DNAH7: variants seen among roughly 807,000 people sequenced by gnomAD.
DNAH7 encodes axonemal beta dynein heavy chain 7.
In DNAH7, 397 loss-of-function variants were observed where a neutral mutation model predicts 444.6. The observed-to-expected ratio is 0.89, with a 90% CI of 0.82 to 0.97. DNAH7 has a LOEUF of 0.97. Ranked by LOEUF, DNAH7 falls within the 50% of genes least tolerant of loss-of-function variation. DNAH7 has a pLI of 0.00. For synonymous variants in DNAH7, 1,636 were observed against 1,624.4 expected (o/e 1.01, Z -0.17); for missense variants, 4,902 against 4,800.8 (o/e 1.02, Z -0.62).
chr2:195,794,309 C>T (rs1323742019), intron 57 of DNAH7, 29 bp downstream of exon 57: 6 of 1,611,466 alleles, frequency 3.7e-6, no homozygotes, highest in Non-Finnish European at 5.1e-6. Flanking sequence ...TTTACAGGGC[C>T]GAGGTAACAA....
At chr2:195,964,755 A>T (rs1423406057) in intron 17 of DNAH7, among the ~76,000 whole-genome samples, 1 of 151,126 alleles carries the variant, frequency 6.6e-6, no homozygotes, top group Admixed American at 6.6e-5. Context: ...ACGCGCTTGT[A>T]GTCCTAGCTA....
At chr2:195,996,336 G>A (rs1693694206) in intron 12 of DNAH7, among the ~76,000 whole-genome samples, 1 of 152,038 alleles carries the variant, frequency 6.6e-6, no homozygotes, top group Admixed American at 6.5e-5. Context: ...TTTTAAATAA[G>A]CAAACAAATC....
intron 21 of DNAH7, among the ~76,000 whole-genome samples, chr2:195,930,657 C>T (rs1688631176): frequency 6.6e-6 from 1 of 152,108 alleles, no homozygotes; most frequent in African/African-American, 2.4e-5. Context: ...CCGTTCAACC[C>T]AGCAACCCCA....
intron 63 of DNAH7, among the ~76,000 whole-genome samples, chr2:195,741,776 G>C (rs1693048980): frequency 6.6e-6 from 1 of 152,156 alleles, no homozygotes; most frequent in African/African-American, 2.4e-5. Context: ...AAATCTACTT[G>C]AGCAGTGCTG....
intron 10 of DNAH7, among the ~76,000 whole-genome samples, chr2:196,006,932 G>A (rs558177040): frequency 3.4e-4 from 52 of 151,832 alleles, no homozygotes; most frequent in African/African-American, 1.1e-3. Flanking sequence ...AAAACTACAC[G>A]ACATTGTTGA....
intron 19 of DNAH7, among the ~76,000 whole-genome samples, chr2:195,940,445 C>G (rs1689348238): frequency 6.6e-6 from 1 of 152,102 alleles, no homozygotes; most frequent in Non-Finnish European, 1.5e-5. Context: ...CTAGGCAATA[C>G]CATTCAGGAT....
intron 36 of DNAH7, among the ~76,000 whole-genome samples, chr2:195,879,762 G>T (rs1701272996): frequency 6.6e-6 from 1 of 152,056 alleles, no homozygotes; most frequent in Non-Finnish European, 1.5e-5. Context: ...TTATGTGAAA[G>T]GGAAAATACT....
At position 196,026,959 on chromosome 2, in the gene DNAH7, A is replaced by G; in HGVS notation, c.487-19T>C. The stretch of plus-strand genomic sequence containing the variant: ...AATATCTCTACAAAAAGAAGATAGG[A>G]AAAATGTAGATGTTTAACAAAAGAA... On this transcript the variant is annotated intron_variant, in intron 6 of 64. Coordinates refer to ENST00000312428, the MANE Select transcript of DNAH7 (RefSeq NM_018897.3). The G allele has an allele frequency of 6.5e-7, 1 of 1,542,198 alleles. No individual in the cohort carries two copies. The highest frequency in any genetic ancestry group is 8.8e-7 in the Non-Finnish European group (1 of 1,136,184).
intron 19 of DNAH7, among the ~76,000 whole-genome samples, chr2:195,950,868 A>AAAAATAAAAAAC (rs1690194960): frequency 7.2e-6 from 1 of 138,152 alleles, no homozygotes; most frequent in African/African-American, 2.9e-5. Flanking sequence ...AAAAAAAAAA[A>AAAAATAAAAAAC]AAAAAAAAAA....
At chr2:195,973,758 C>T (rs1170105152) in intron 15 of DNAH7, among the ~76,000 whole-genome samples, 2 of 152,130 alleles carry the variant, frequency 1.3e-5, no homozygotes, top group African/African-American at 4.8e-5. Context: ...AGGCGTCAGC[C>T]ACCGCGGCTG....
At chr2:195,926,660 AT>A (rs1688356625) in intron 21 of DNAH7, 94 bp from the exon 22 acceptor site, 2 of 1,103,286 alleles carry the variant, frequency 1.8e-6, no homozygotes, top group Non-Finnish European at 2.5e-6. Flanking sequence ...ATACTGCTCA[AT>A]TTTTTACAAC....
intron 54 of DNAH7, among the ~76,000 whole-genome samples, chr2:195,801,980 C>T (rs1450349026): frequency 1.3e-5 from 2 of 152,054 alleles, no homozygotes; most frequent in Non-Finnish European, 2.9e-5. Context: ...ATAGCATGGA[C>T]CTACCTATGA....
In DNAH7 at chr2:195,750,007, GAAATA is replaced by G. The variant is rs1343670825; in HGVS notation, c.11764+4325_11764+4329del. Among the ~76,000 whole-genome samples the G allele has an allele frequency of 4.6e-5, 7 of 151,508 alleles. No homozygotes were observed. The East Asian group carries it at 7.7e-4, about 17-fold the overall frequency. On this transcript the variant is annotated intron_variant, in intron 63 of 64. Coordinates refer to ENST00000312428, the MANE Select transcript of DNAH7 (RefSeq NM_018897.3). Reference sequence around the variant, plus strand: ...TAATAATAAAATAAAATAAAATAAAGAAATAAAATAAATAAATAAATTAAGCCTGG... The same window carrying G: ...TAATAATAAAATAAAATAAAATAAAGAAATAAATAAATAAATTAAGCCTGG...
At chr2:195,819,705 G>A (rs1697370655) in intron 49 of DNAH7, among the ~76,000 whole-genome samples, 1 of 152,038 alleles carries the variant, frequency 6.6e-6, no homozygotes, top group Non-Finnish European at 1.5e-5. Context: ...CCCAGCTCAG[G>A]GAGGCAAAAA....
chr2:195,908,368 C>T (rs957379528), intron 25 of DNAH7, among the ~76,000 whole-genome samples: 1 of 152,026 alleles, frequency 6.6e-6, no homozygotes, highest in Non-Finnish European at 1.5e-5. Flanking sequence ...TTTTGGTATC[C>T]ATACCATTTT....
intron 2 of DNAH7, among the ~76,000 whole-genome samples, chr2:196,056,416 T>C (rs1697809008): frequency 6.9e-6 from 1 of 144,040 alleles, no homozygotes; most frequent in Admixed American, 7.0e-5. Context: ...CTGCACTCTG[T>C]CTGAAAAAAA....
chr2:195,976,518 C>T (rs1574930749), intron 15 of DNAH7, among the ~76,000 whole-genome samples: 1 of 152,054 alleles, frequency 6.6e-6, no homozygotes, highest in East Asian at 1.9e-4. Context: ...AAGGGAGGAA[C>T]ACATGCCTGG....
At chr2:196,020,049 G>T (rs1023347490) in intron 8 of DNAH7, among the ~76,000 whole-genome samples, 2 of 150,546 alleles carry the variant, frequency 1.3e-5, no homozygotes, top group South Asian at 4.2e-4. Context: ...AGACCTTTAC[G>T]ATGATCCACT....
chr2:195,845,125 T>A lies in DNAH7; in HGVS notation c.8822A>T (p.Asp2941Val), dbSNP rs766889505. The change falls in exon 47 of 65, where the codon GAT (aspartate) becomes GTT (valine). Residue 2941 changes from aspartate (D) to valine (V), a missense_variant. Asp to Val is a radical substitution (Grantham distance 152, BLOSUM62 -3). Transcript: ENST00000312428. Reference protein sequence around the residue: ...KEWTTLCKGRDIPCSDDCSLM... With the variant: ...KEWTTLCKGRVIPCSDDCSLM... The stretch of plus-strand genomic sequence containing the variant: ...AGAGCAATCATCTGAGCAGGGGATA[T>A]CTCTTCCTTTGCACAAAGTTGTCCA... 6.2e-7 allele frequency: 1 copy of A among 1,613,214 alleles called. No individual in the cohort carries two copies. Among genetic ancestry groups the A allele is most frequent in the Non-Finnish European group, 8.5e-7 (1 of 1,179,700 alleles).
Sources: allele counts gnomAD v4.1 joint callset (sites outside exome capture counted in the v4.1 genomes callset), GRCh38; gene constraint gnomAD v4.1.1; transcripts MANE v1.5; gene names NCBI Gene and HGNC (gene_info 2026-07-23, HGNC 2026-07-21).